Variants in ARHGEF4 observed in about 807,000 individuals in gnomAD.
ARHGEF4 encodes APC-stimulated guanine nucleotide exchange factor 1.
In ARHGEF4, 119 loss-of-function variants were observed where a neutral mutation model predicts 162.0. The observed-to-expected ratio is 0.73, with a 90% CI of 0.63 to 0.86. The LOEUF (loss-of-function observed/expected upper bound fraction) is 0.86. Among genes scored for constraint, ARHGEF4 ranks in the 40% least tolerant of loss-of-function variants. The pLI, the probability that ARHGEF4 is intolerant of heterozygous loss-of-function variation, is 0.00. For synonymous variants in ARHGEF4, 1,014 were observed against 979.9 expected (o/e 1.03, Z -0.65); for missense variants, 2,488 against 2,456.0 (o/e 1.01, Z -0.28).
At chr2:130,842,654 G>T (rs1444445952) in intron 1 of ARHGEF4, among the ~76,000 whole-genome samples, 1 of 152,152 alleles carries the variant, frequency 6.6e-6, no homozygotes, top group South Asian at 2.1e-4. Context: ...GGCCATGCAG[G>T]CAGTGAGATA....
chr2:130,916,208 C>A lies in ARHGEF4; in HGVS notation c.2262C>A (p.Ala754=), dbSNP rs1007685581. The change falls in exon 2 of 14, where the codon GCC becomes GCA. Residue 754 remains alanine (A), a synonymous_variant. Coordinates refer to ENST00000409359, the MANE Select transcript of ARHGEF4 (RefSeq NM_001367493.1). ...SGSGERGPEE[A]PEGGAAAARG... Reference sequence around the variant, plus strand: ...CAGGGGAGCGTGGCCCGGAGGAGGCCCCCGAAGGCGGTGCTGCAGCAGCCC... The same window carrying A: ...CAGGGGAGCGTGGCCCGGAGGAGGCACCCGAAGGCGGTGCTGCAGCAGCCC... The A allele has an allele frequency of 5.1e-5, 79 of 1,546,472 alleles. No individual in the cohort carries two copies. Among genetic ancestry groups the A allele is most frequent in the Non-Finnish European group, 6.5e-5 (74 of 1,146,116 alleles).
At chr2:130,882,428 C>T (rs56248341) in intron 1 of ARHGEF4, among the ~76,000 whole-genome samples, 8,637 of 152,102 alleles carry the variant, frequency 0.057, 415 homozygotes, top group African/African-American at 0.11. Flanking sequence ...AGAAGGCCAC[C>T]TTCTCACTGT....
At chr2:131,000,351 CG>C (rs1361530668) in intron 4 of ARHGEF4, among the ~76,000 whole-genome samples, 2 of 152,032 alleles carry the variant, frequency 1.3e-5, no homozygotes, top group Non-Finnish European at 2.9e-5. Flanking sequence ...ATATTTTGTT[CG>C]GGATTTTGTA....
intron 2 of ARHGEF4, among the ~76,000 whole-genome samples, chr2:130,927,435 C>G (rs1330532913): frequency 1.3e-5 from 2 of 152,188 alleles, no homozygotes; most frequent in Non-Finnish European, 2.9e-5. Context: ...CCACTTGGCT[C>G]GGGGACATAT....
Position 130,914,001 on chromosome 2 carries a change from G to A in ARHGEF4, c.55G>A (p.Ala19Thr). 1 of 1,536,096 alleles carries A rather than the reference G, an allele frequency of 6.5e-7. No individual in the cohort carries two copies. Among genetic ancestry groups the A allele is most frequent in the Non-Finnish European group, 8.7e-7 (1 of 1,146,896 alleles). Residue 19 changes from alanine (A) to threonine (T), a missense_variant, in exon 2 of 14, where the codon GCA becomes ACA. Physicochemically the swap from Ala to Thr is moderately conservative, Grantham distance 58. This residue lies in a region of ARHGEF4 where 171 missense variants were observed against 169.4 expected (regional missense o/e 1.01). Coordinates refer to ENST00000409359, the MANE Select transcript of ARHGEF4 (RefSeq NM_001367493.1). ...RSFFKTPEPG[A>T]HLPGEGEIED... ...GCCCTCCCAGACTCCAGAGCCAGGT[G>A]CACACCTGCCAGGTGAAGGTGAGAT...
chr2:130,990,056 G>T (rs959545733), intron 4 of ARHGEF4, among the ~76,000 whole-genome samples: 2 of 152,174 alleles, frequency 1.3e-5, no homozygotes, highest in Non-Finnish European at 2.9e-5. Flanking sequence ...GAACTGTGAG[G>T]GTGGAAAAGG....
At chr2:130,852,809 G>T (rs368698032) in intron 1 of ARHGEF4, among the ~76,000 whole-genome samples, 1 of 152,168 alleles carries the variant, frequency 6.6e-6, no homozygotes, top group Non-Finnish European at 1.5e-5. Flanking sequence ...AAGCCAGCAC[G>T]CACAGGAGGC....
chr2:130,963,699 A>C (rs1684781176), intron 4 of ARHGEF4: 1 of 145,100 alleles, frequency 6.9e-6, no homozygotes, highest in Non-Finnish European at 1.5e-5. Flanking sequence ...CGCGACCCGC[A>C]CTGGGGTCGC....
In ARHGEF4 at chr2:131,038,980, G is replaced by A; in HGVS notation, c.4253G>A (p.Trp1418Ter). The A allele has an allele frequency of 6.2e-7, 1 of 1,613,666 alleles. No homozygotes were observed. Among genetic ancestry groups the A allele is most frequent in the South Asian group, 1.1e-5 (1 of 91,072 alleles). ...ATGGATGCCACCAACAGAGAGTGGT[G>A]GTGGGGCCGGGTCGCCGATGGCGAG... is the stretch of plus-strand genomic sequence containing the variant. The part of the protein sequence containing the change: ...EVMDATNREW[W>*]WGRVADGEGW... The change falls in exon 6 of 14, where the codon TGG becomes TAG. Residue 1418 changes from tryptophan to a stop codon, truncating the protein, a stop_gained. Transcript: ENST00000409359. LOFTEE classifies it high-confidence loss of function.
intron 1 of ARHGEF4, among the ~76,000 whole-genome samples, chr2:130,888,462 G>A (rs1035723565): frequency 6.6e-6 from 1 of 151,220 alleles, no homozygotes; most frequent in African/African-American, 2.4e-5. Context: ...GCGAGACTCT[G>A]TCCCAAAAAA....
chr2:130,918,864 A>G lies in ARHGEF4; in HGVS notation c.3552+1366A>G, dbSNP rs1681696159. 2.0e-5 allele frequency among the ~76,000 whole-genome samples: 3 copies of G among 152,160 alleles called. No individual in the cohort carries two copies. In the South Asian group the frequency reaches 6.2e-4, roughly 32 times the overall value. On this transcript the variant is annotated intron_variant, in intron 2 of 13. Coordinates refer to ENST00000409359, the MANE Select transcript of ARHGEF4 (RefSeq NM_001367493.1). ...AGGGTTACTTTTTTTCGTTACTGTT[A>G]CTACTGAAGTTTAAAAACAAAGCCA...
At chr2:131,012,705 T>C (rs1475094802) in intron 4 of ARHGEF4, among the ~76,000 whole-genome samples, 1 of 152,128 alleles carries the variant, frequency 6.6e-6, no homozygotes, top group Non-Finnish European at 1.5e-5. Context: ...CTCAGCCTCC[T>C]GAGCAGCCGG....
At chr2:130,884,507 A>C (rs1285008593) in intron 1 of ARHGEF4, among the ~76,000 whole-genome samples, 2 of 152,124 alleles carry the variant, frequency 1.3e-5, no homozygotes, top group African/African-American at 2.4e-5. Flanking sequence ...TAATTACAAT[A>C]AAAAGCTCTC....
intron 4 of ARHGEF4, among the ~76,000 whole-genome samples, chr2:130,974,896 A>G (rs1314027962): frequency 6.6e-6 from 1 of 152,234 alleles, no homozygotes; most frequent in East Asian, 1.9e-4. Flanking sequence ...AGCAACAGAT[A>G]ACCTTCTACA....
At chr2:130,849,859 C>T (rs755591798) in intron 1 of ARHGEF4, among the ~76,000 whole-genome samples, 29 of 152,176 alleles carry the variant, frequency 1.9e-4, no homozygotes, top group Non-Finnish European at 3.1e-4. Flanking sequence ...GCCACCTTAC[C>T]CAGCCTAGGA....
chr2:130,908,447 C>G (rs368490150), intron 1 of ARHGEF4, among the ~76,000 whole-genome samples: 1 of 152,116 alleles, frequency 6.6e-6, no homozygotes, highest in Non-Finnish European at 1.5e-5. Flanking sequence ...GAGGCCGAGG[C>G]GGGTGGATCA....
intron 1 of ARHGEF4, among the ~76,000 whole-genome samples, chr2:130,854,380 C>T (rs111681833): frequency 1.1e-3 from 161 of 152,192 alleles, no homozygotes; most frequent in African/African-American, 3.4e-3. Flanking sequence ...TCCTAGGAAG[C>T]GGGGTGGGCA....
rs902057924 is a variant in ARHGEF4, at chr2:130,864,705, C to T, written c.39+27713C>T. Among the ~76,000 whole-genome samples the T allele has an allele frequency of 3.9e-5, 6 of 152,332 alleles. No homozygotes were observed. In the South Asian group the frequency reaches 1.0e-3, roughly 26 times the overall value. ...TGCCACTGCACTCCAATCTGGGCGA[C>T]AGAGCCAGACTCTGTCTCAAAACAA... On this transcript the variant is annotated intron_variant, in intron 1 of 13. Transcript: ENST00000409359.
At chr2:130,844,824 G>A (rs1269566449) in intron 1 of ARHGEF4, among the ~76,000 whole-genome samples, 1 of 150,682 alleles carries the variant, frequency 6.6e-6, no homozygotes, top group African/African-American at 2.4e-5. Flanking sequence ...ATATATATAT[G>A]TATATATATA....
Sources: gnomAD v4.1 joint callset for allele counts (sites outside exome capture counted in the v4.1 genomes callset) on GRCh38, gnomAD v4.1.1 for gene constraint, gnomAD v4.1.1 regional missense constraint, MANE v1.5 for transcripts, NCBI Gene and HGNC (gene_info 2026-07-23, HGNC 2026-07-21) for gene names.